RFX4: variants seen among roughly 807,000 people sequenced by gnomAD.
RFX4 encodes the protein regulatory factor X4.
In RFX4, 10 loss-of-function variants were observed where a neutral mutation model predicts 95.0. The observed-to-expected ratio is 0.11, with a 90% CI of 0.06 to 0.18. The LOEUF (loss-of-function observed/expected upper bound fraction) is 0.18. Among genes scored for constraint, RFX4 ranks in the 10% least tolerant of loss-of-function variants. RFX4 has a pLI of 1.00. For synonymous variants in RFX4, 321 were observed against 340.7 expected, an observed-to-expected ratio of 0.94 and a Z score of 0.64; for missense variants, 640 against 922.0, an observed-to-expected ratio of 0.69 and a Z score of 3.96.
intron 2 of RFX4, among the ~76,000 whole-genome samples, chr12:106,610,682 G>C (rs143893502): frequency 1.4e-4 from 21 of 152,296 alleles, no homozygotes; most frequent in Non-Finnish European, 2.1e-4. Flanking sequence ...CCTCTGTATG[G>C]ATATGTCACA....
intron 4 of RFX4, among the ~76,000 whole-genome samples, chr12:106,678,912 C>T (rs1225553626): frequency 6.6e-6 from 1 of 152,170 alleles, no homozygotes; most frequent in Non-Finnish European, 1.5e-5. Flanking sequence ...GACATTTATG[C>T]TGTTTCAAAT....
At chr12:106,714,634 T>C (rs1370789942) in intron 10 of RFX4, among the ~76,000 whole-genome samples, 3 of 152,218 alleles carry the variant, frequency 2.0e-5, no homozygotes, top group Non-Finnish European at 2.9e-5. Context: ...CTTTTCTCAG[T>C]ATTGTTTCAA....
At chr12:106,713,462 T>C (rs753330119) in intron 10 of RFX4, among the ~76,000 whole-genome samples, 7 of 152,136 alleles carry the variant, frequency 4.6e-5, no homozygotes, top group Admixed American at 6.5e-5. Flanking sequence ...TCAGGTCCTA[T>C]GTAGATAAAG....
chr12:106,685,634 T>C (rs1489155362), intron 5 of RFX4, among the ~76,000 whole-genome samples: 2 of 152,220 alleles, frequency 1.3e-5, no homozygotes, highest in African/African-American at 2.4e-5. Context: ...GTATTTTTAT[T>C]AAACTTTAAA....
chr12:106,700,145 C>T (rs1205216029), intron 8 of RFX4, among the ~76,000 whole-genome samples: 1 of 152,112 alleles, frequency 6.6e-6, no homozygotes, highest in Non-Finnish European at 1.5e-5. Flanking sequence ...AGTCCTCCCA[C>T]CTCGGTCTCC....
chr12:106,677,899 G>T (rs1231381720), intron 4 of RFX4, among the ~76,000 whole-genome samples: 1 of 152,098 alleles, frequency 6.6e-6, no homozygotes, highest in African/African-American at 2.4e-5. Flanking sequence ...TAGGACCTGG[G>T]GTTGTGCAGT....
chr12:106,645,667 C>T (rs1196832048), intron 3 of RFX4, among the ~76,000 whole-genome samples: 1 of 152,100 alleles, frequency 6.6e-6, no homozygotes, highest in Non-Finnish European at 1.5e-5. Context: ...GGCACTGTTC[C>T]AAAGAAGAAA....
intron 7 of RFX4, among the ~76,000 whole-genome samples, chr12:106,690,024 A>C (rs1027329464): frequency 1.3e-5 from 2 of 152,096 alleles, no homozygotes; most frequent in Non-Finnish European, 2.9e-5. Context: ...ACTATAAAAA[A>C]CCCAGTAGCT....
At chr12:106,625,529 CAACA>C (rs975910207) in intron 2 of RFX4, among the ~76,000 whole-genome samples, 3 of 152,134 alleles carry the variant, frequency 2.0e-5, no homozygotes, top group African/African-American at 7.2e-5. Context: ...GCATACTCAC[CAACA>C]AACAGGAGGA....
intron 8 of RFX4, among the ~76,000 whole-genome samples, chr12:106,697,819 C>A (rs1252555498): frequency 6.6e-6 from 1 of 152,198 alleles, no homozygotes; most frequent in East Asian, 1.9e-4. Flanking sequence ...AGGATGATGT[C>A]CTAGCCTAGG....
chr12:106,731,213 C>T (rs1669855414), intron 13 of RFX4, among the ~76,000 whole-genome samples: 1 of 152,170 alleles, frequency 6.6e-6, no homozygotes, highest in Admixed American at 6.5e-5. Flanking sequence ...GCCTTGATTA[C>T]AGTAGACATT....
At chr12:106,624,391 C>G in intron 2 of RFX4, among the ~76,000 whole-genome samples, 1 of 152,182 alleles carries the variant, frequency 6.6e-6, no homozygotes, top group East Asian at 1.9e-4. Flanking sequence ...GTGTCGCGAT[C>G]TTGGCTCACT....
chr12:106,590,095 AG>A (rs1386741798), intron 1 of RFX4, among the ~76,000 whole-genome samples: 1 of 152,262 alleles, frequency 6.6e-6, no homozygotes, highest in Non-Finnish European at 1.5e-5. Context: ...AGCAATATGA[AG>A]GAAAAAAACC....
intron 3 of RFX4, among the ~76,000 whole-genome samples, chr12:106,645,496 C>CG (rs1001828197): frequency 6.6e-5 from 10 of 151,076 alleles, no homozygotes; most frequent in African/African-American, 2.2e-4. Context: ...TTGTCACTTT[C>CG]GGGGGGGATT....
chr12:106,747,571 C>T lies in RFX4; in HGVS notation c.1768C>T (p.Pro590Ser). 6.2e-7 allele frequency: 1 copy of T among 1,613,984 alleles called. No homozygotes were observed. Among genetic ancestry groups the T allele is most frequent in the South Asian group, 1.1e-5 (1 of 91,054 alleles). ...VPSSSVTHRIPVYPHREEHGY... is the reference protein window; with the variant it reads ...VPSSSVTHRISVYPHREEHGY... ...TTCTTCCTCCGTCACACACAGGATA[C>T]CAGTTTATCCCCACAGAGAGGAACA... The change falls in exon 16 of 18, where the codon CCA becomes TCA. Residue 590 changes from proline (P) to serine (S), a missense_variant. Transcript: ENST00000392842.
rs182614374 is a variant in RFX4 at position 106,628,996 on chromosome 12, T to A, written c.131-10336T>A. On this transcript the variant is annotated intron_variant, in intron 2 of 17. Coordinates refer to ENST00000392842, the MANE Select transcript of RFX4 (RefSeq NM_213594.3). ...CTGGTCTCGAATTCCTTACCTCAAGTGATCCACTGGCCTTGGCCTCCCAAA... is the reference window on the plus strand; with the variant it reads ...CTGGTCTCGAATTCCTTACCTCAAGAGATCCACTGGCCTTGGCCTCCCAAA... Among the ~76,000 whole-genome samples the A allele has an allele frequency of 3.9e-4, 60 of 152,264 alleles. 2 individuals carry two copies. In the East Asian group the frequency reaches 0.01, roughly 27 times the overall value.
chr12:106,694,677 A>G (rs745415937), intron 7 of RFX4, among the ~76,000 whole-genome samples: 1 of 152,164 alleles, frequency 6.6e-6, no homozygotes, highest in Non-Finnish European at 1.5e-5. Flanking sequence ...ATTCTCAGCT[A>G]TAGTATTATG....
At chr12:106,675,656 A>G (rs542601956) in intron 4 of RFX4, among the ~76,000 whole-genome samples, 1 of 152,360 alleles carries the variant, frequency 6.6e-6, no homozygotes, top group Non-Finnish European at 1.5e-5. Context: ...TATGGATCAC[A>G]TAACTACGGT....
intron 2 of RFX4, among the ~76,000 whole-genome samples, chr12:106,616,594 C>A (rs531039225): frequency 1.3e-5 from 2 of 152,128 alleles, no homozygotes; most frequent in Admixed American, 1.3e-4. Flanking sequence ...TTGGAATTTT[C>A]TTTGAGGGAA....
Sources: gnomAD v4.1 joint callset for allele counts (sites outside exome capture counted in the v4.1 genomes callset) on GRCh38, gnomAD v4.1.1 for gene constraint, MANE v1.5 for transcripts, NCBI Gene and HGNC (gene_info 2026-07-23, HGNC 2026-07-21) for gene names.